AAAS: variants seen among roughly 807,000 people sequenced by gnomAD.
AAAS encodes aladin.
AAAS carries 60 observed loss-of-function variants against 75.6 expected under a neutral mutation model. That is an observed-to-expected ratio of 0.79 (90% CI 0.64 to 0.98). The LOEUF (loss-of-function observed/expected upper bound fraction) is 0.98, where lower values mean the gene tolerates loss of function less well. AAAS is among the 50% of genes least tolerant of loss of function. The probability of loss-of-function intolerance (pLI) is 0.00; values close to 1 mark genes in which losing one functional copy is unlikely to be tolerated. For synonymous variants in AAAS, 271 were observed against 265.0 expected, an observed-to-expected ratio of 1.02 and a Z score of -0.22; for missense variants, 658 against 686.9, an observed-to-expected ratio of 0.96 and a Z score of 0.47.
Position 53,308,107 on chromosome 12 carries a change from G to A in AAAS, c.1276C>T (p.Pro426Ser), listed in dbSNP as rs1236160367. The change falls in exon 14 of 16, where the codon CCA (proline) becomes TCA (serine). Residue 426 changes from proline to serine, a missense_variant. Pro to Ser is a moderately conservative substitution (Grantham distance 74, BLOSUM62 -1). Transcript: ENST00000209873. ...KGKPRVQDGK[P>S]VILLFRTRNS... ...CGAGTGCGAAAAAGGAGGATGACTG[G>A]TTTACCATCCTGTACCCTTGGCTTT... 6.2e-7 allele frequency: 1 copy of A among 1,614,208 alleles called. No individual in the cohort carries two copies. Among genetic ancestry groups the A allele is most frequent in the Non-Finnish European group, 8.5e-7 (1 of 1,180,038 alleles).
intron 2 of AAAS, among the ~76,000 whole-genome samples, chr12:53,317,961 C>T (rs1032891489): frequency 2.0e-5 from 3 of 152,170 alleles, no homozygotes; most frequent in African/African-American, 7.2e-5. Flanking sequence ...CAGCTCTGGA[C>T]TAGGTGCCTC....
intron 2 of AAAS, among the ~76,000 whole-genome samples, chr12:53,318,241 TGTGC>T (rs1444925333): frequency 1.3e-4 from 17 of 131,558 alleles, no homozygotes; most frequent in African/African-American, 4.7e-4. Flanking sequence ...TGTGTGTGTG[TGTGC>T]GTGTGTGTGT....
Position 53,309,645 on chromosome 12 carries a change from C to G in AAAS, c.766G>C (p.Gly256Arg), listed in dbSNP as rs199575080. ...GGTGAAGCTGAGAGCAGCCGCCCCC[C>G]ACTGGGGGCCCAGGCCAAGCTGGTA... ...PVTSLAWAPSGGRLLSASPVD... is the reference protein window; with the variant it reads ...PVTSLAWAPSRGRLLSASPVD... Residue 256 changes from glycine to arginine, a missense_variant, in exon 8 of 16, where the codon GGG becomes CGG. Physicochemically the swap from Gly to Arg is moderately radical, Grantham distance 125. Coordinates refer to ENST00000209873, the MANE Select transcript of AAAS (RefSeq NM_015665.6). 2.3e-5 allele frequency: 37 copies of G among 1,613,552 alleles called. No homozygotes were observed. Among genetic ancestry groups the G allele is most frequent in the Middle Eastern group, 1.7e-4 (1 of 6,058 alleles).
Position 53,308,302 on chromosome 12 carries a change from C to T in AAAS, c.1229G>A (p.Arg410His), listed in dbSNP as rs768786904. The T allele has an allele frequency of 1.6e-5, 26 of 1,614,068 alleles. No individual in the cohort carries two copies. The highest frequency in any genetic ancestry group is 1.6e-4 in the Middle Eastern group (1 of 6,084). The change falls in exon 13 of 16, where the codon CGT becomes CAT. Residue 410 changes from arginine to histidine, a missense_variant. Transcript: ENST00000209873. Reference sequence around the variant, plus strand: ...CTCACCTTTCATAAGCACAGCCAGACGTTCCCCACTGGGGTCCCAGACCAT... The same window carrying T: ...CTCACCTTTCATAAGCACAGCCAGATGTTCCCCACTGGGGTCCCAGACCAT... ...HSMVWDPSGE[R>H]LAVLMKGKPR...
chr12:53,314,230 C>T, intron 7 of AAAS, 68 bp downstream of exon 7: 1 of 1,607,852 alleles, frequency 6.2e-7, no homozygotes, highest in Non-Finnish European at 8.5e-7. Context: ...TTCAGACGTC[C>T]TCACCACCCA....
chr12:53,318,273 T>TGTGTGTGTG lies in AAAS; in HGVS notation c.251+2291_251+2292insCACACACAC, dbSNP rs1230106640. On this transcript the variant is annotated intron_variant, in intron 2 of 15. Transcript: ENST00000209873. ...GTGTGTGTGTGTGTGTGTGTGTGTG[T>TGTGTGTGTG]TAAGACGGAGTCTCACTCTGTCACC... 1.3e-3 allele frequency among the ~76,000 whole-genome samples: 192 copies of TGTGTGTGTG among 151,158 alleles called. 3 individuals carry two copies. Among genetic ancestry groups the TGTGTGTGTG allele is most frequent in the African/African-American group, 4.5e-3 (185 of 40,892 alleles).
At chr12:53,310,033 T>C (rs1285346252) in intron 7 of AAAS, among the ~76,000 whole-genome samples, 1 of 152,194 alleles carries the variant, frequency 6.6e-6, no homozygotes, top group African/African-American at 2.4e-5. Context: ...GTACTGCCCC[T>C]GGGGCGATAT....
Position 53,320,651 on chromosome 12 carries a change from TA to T in AAAS, c.164del (p.Leu55GlnfsTer39). 1 of 1,614,214 alleles carries T rather than the reference TA, an allele frequency of 6.2e-7. No individual in the cohort carries two copies. The highest frequency in any genetic ancestry group is 8.5e-7 in the Non-Finnish European group (1 of 1,180,046). ...CATGGTCCAGCCTTCCAGGGGTCTT[TA>T]GGGGATCCTTTGTCAGTTGTAGGAC... ...LPVLQLTKDP[L>X]KTPGRLDHGT... On this transcript the variant is annotated frameshift_variant, in exon 2 of 16. Coordinates refer to ENST00000209873, the MANE Select transcript of AAAS (RefSeq NM_015665.6). LOFTEE classifies it high-confidence loss of function.
At chr12:53,315,859 T>C (rs1210100614) in intron 2 of AAAS, 77 bp from the exon 3 acceptor site, 34 of 1,505,300 alleles carry the variant, frequency 2.3e-5, no homozygotes, top group Middle Eastern at 1.7e-4. Context: ...TCATTCAATA[T>C]ACATGTATTA....
intron 2 of AAAS, among the ~76,000 whole-genome samples, chr12:53,316,386 C>T (rs1228104510): frequency 6.7e-6 from 1 of 150,208 alleles, no homozygotes; most frequent in Admixed American, 6.7e-5. Flanking sequence ...ACCCAGGAAG[C>T]GGAGGCTGCA....
rs1285380640 is a variant in AAAS at position 53,321,388 on chromosome 12, C to A, written c.78G>T (p.Val26=). The A allele has an allele frequency of 6.2e-7, 1 of 1,614,200 alleles. No individual in the cohort carries two copies. Among genetic ancestry groups the A allele is most frequent in the Non-Finnish European group, 8.5e-7 (1 of 1,180,044 alleles). ...VTLYEHNNEL[V]TGSSYESPPP... is the part of the protein sequence containing the mutation. The stretch of plus-strand genomic sequence containing the variant: ...GCGGGCTCTCATAGCTACTGCCCGT[C>A]ACCAGCTCGTTATTGTGCTCATATA... The change falls in exon 1 of 16, where the codon GTG becomes GTT. Residue 26 remains valine, a synonymous_variant. Transcript: ENST00000209873.
chr12:53,310,918 T>C (rs1050795638), intron 7 of AAAS, among the ~76,000 whole-genome samples: 4 of 152,198 alleles, frequency 2.6e-5, no homozygotes, highest in African/African-American at 9.6e-5. Flanking sequence ...AAATGGACAT[T>C]TGACTTGTTT....
Position 53,321,593 on chromosome 12 carries a change from G to GCGGAACTCAA in AAAS, c.-138_-129dup, listed in dbSNP as rs1944559878. ...GGTACCGCAAGGGACAAACGGCGAGGCGGAACTCAACGGAAGTGAAGAAAA... is the reference window on the plus strand; with the variant it reads ...GGTACCGCAAGGGACAAACGGCGAGGCGGAACTCAACGGAACTCAACGGAAGTGAAGAAAA... On this transcript the variant is annotated 5_prime_UTR_variant, in exon 1 of 16. Coordinates refer to ENST00000209873, the MANE Select transcript of AAAS (RefSeq NM_015665.6). 2 of 1,520,434 alleles carry GCGGAACTCAA rather than the reference G, an allele frequency of 1.3e-6. No homozygotes were observed. Among genetic ancestry groups the GCGGAACTCAA allele is most frequent in the Non-Finnish European group, 1.8e-6 (2 of 1,109,234 alleles). 94.2% of individuals were successfully genotyped at this position (1,520,434 alleles called of 1,614,324 possible).
chr12:53,308,572 C>T, intron 11 of AAAS, 44 bp from the exon 12 acceptor site: 1 of 1,611,486 alleles, frequency 6.2e-7, no homozygotes, highest in Non-Finnish European at 8.5e-7. Context: ...AGAAACAGGC[C>T]TCTCACTGGT....
chr12:53,308,207 C>G, intron 13 of AAAS, 74 bp from the exon 14 acceptor site: 1 of 1,611,124 alleles, frequency 6.2e-7, no homozygotes, highest in East Asian at 2.2e-5. Context: ...GAGGAGAACT[C>G]CAGGCCAGGG....
At chr12:53,318,243 T>C (rs867170194) in intron 2 of AAAS, among the ~76,000 whole-genome samples, 270 of 119,072 alleles carry the variant, frequency 2.3e-3, no homozygotes, top group African/African-American at 7.9e-3. Flanking sequence ...TGTGTGTGTG[T>C]GCGTGTGTGT....
chr12:53,320,451 CGTG>C, intron 2 of AAAS, 111 bp downstream of exon 2: 1 of 1,439,584 alleles, frequency 6.9e-7, no homozygotes, highest in Non-Finnish European at 9.7e-7. Flanking sequence ...ATACAGCTCT[CGTG>C]GAGACAGCCT....
intron 7 of AAAS, among the ~76,000 whole-genome samples, chr12:53,312,069 T>C (rs1252657751): frequency 2.0e-5 from 3 of 152,104 alleles, no homozygotes; most frequent in Middle Eastern, 3.2e-3. Flanking sequence ...GGCTCACGCC[T>C]GTAATCCCAG....
chr12:53,315,470 C>G (rs1216967226), intron 3 of AAAS, 44 bp from the exon 4 acceptor site: 1 of 1,552,336 alleles, frequency 6.4e-7, no homozygotes, highest in Non-Finnish European at 8.8e-7. Flanking sequence ...ATTCACAGGC[C>G]TCTTACCAGG....
Sources: gnomAD v4.1 joint callset for allele counts (sites outside exome capture counted in the v4.1 genomes callset) on GRCh38, gnomAD v4.1.1 for gene constraint, MANE v1.5 for transcripts, NCBI Gene and HGNC (gene_info 2026-07-23, HGNC 2026-07-21) for gene names.